DST: variants seen among roughly 807,000 people sequenced by gnomAD.
DST encodes the protein dystonin.
Under a neutral mutation model 875.2 loss-of-function variants are expected in DST, and 253 were observed. The ratio of observed to expected loss-of-function variants is 0.29; its 90% CI spans 0.26 to 0.32. DST has a LOEUF of 0.32. DST is among the 10% of genes least tolerant of loss of function. The pLI is 1.00. For synonymous variants in DST, 3,124 were observed against 3,197.1 expected (o/e 0.98, Z 0.77); for missense variants, 8,287 against 9,111.6 (o/e 0.91, Z 3.68).
At chr6:56,507,018 GATAA>G (rs2096338233) in intron 75 of DST, among the ~76,000 whole-genome samples, 1 of 152,010 alleles carries the variant, frequency 6.6e-6, no homozygotes, top group African/African-American at 2.4e-5. Flanking sequence ...TTTAAGAAAT[GATAA>G]ATAAGAAATA....
chr6:56,736,999 TCCGGGGCAACA>T (rs2099527413), intron 4 of DST, among the ~76,000 whole-genome samples: 1 of 89,372 alleles, frequency 1.1e-5, no homozygotes, highest in African/African-American at 8.7e-5. Context: ...CATGATGAAA[TCCGGGGCAACA>T]TGATGAAATC....
intron 82 of DST, among the ~76,000 whole-genome samples, chr6:56,496,799 T>G (rs554394332): frequency 2.6e-5 from 4 of 152,084 alleles, no homozygotes; most frequent in Non-Finnish European, 5.9e-5. Flanking sequence ...ATTAAGAAAA[T>G]GTGGCACATA....
intron 4 of DST, among the ~76,000 whole-genome samples, chr6:56,735,878 A>G (rs1419082244): frequency 6.6e-6 from 1 of 151,978 alleles, no homozygotes; most frequent in East Asian, 1.9e-4. Context: ...TTTGATATGG[A>G]ATCTCACTCT....
intron 36 of DST, chr6:56,619,721 A>C (rs767375273): frequency 4.3e-6 from 7 of 1,613,890 alleles, no homozygotes; most frequent in South Asian, 1.1e-5. Flanking sequence ...AAGCTCTCTG[A>C]GTTGTTGAGA....
chr6:56,645,240 G>A (rs2098935564), intron 15 of DST, among the ~76,000 whole-genome samples: 1 of 152,186 alleles, frequency 6.6e-6, no homozygotes, highest in Non-Finnish European at 1.5e-5. Context: ...CCAGGTACCA[G>A]GTTAAGACTG....
At chr6:56,839,434 T>C (rs2099797365) in intron 4 of DST, among the ~76,000 whole-genome samples, 1 of 152,238 alleles carries the variant, frequency 6.6e-6, no homozygotes, top group African/African-American at 2.4e-5. Context: ...CCCAGACTTA[T>C]ACTATTATGA....
chr6:56,678,767 A>G (rs993700159), intron 9 of DST, among the ~76,000 whole-genome samples: 2 of 152,172 alleles, frequency 1.3e-5, no homozygotes, highest in African/African-American at 4.8e-5. Flanking sequence ...ACCAATAAAG[A>G]TAACTTTAGA....
rs759366515 is a variant in DST at position 56,608,245 on chromosome 6, C to T, written c.6383G>A (p.Gly2128Glu). Residue 2128 changes from glycine (G) to glutamate (E), a missense_variant, in exon 40 of 104, where the codon GGA becomes GAA. By Grantham distance (98) the Gly-to-Glu change is moderately conservative (BLOSUM62 -2). Around this residue, in one of 10 missense-constraint regions of DST, gnomAD observed 3,138 missense variants for 3,116.6 expected, o/e 1.01. Coordinates refer to ENST00000680361, the MANE Select transcript of DST (RefSeq NM_001374736.1). ...VIGLDAAKQL[G>E]IIDNNTASIL... ...TGATGCTGTGTTGTTGTCTATAATT[C>T]CTAGCTGTTTAGCAGCATCCAAACC... 13 of 1,613,608 alleles carry T rather than the reference C, an allele frequency of 8.1e-6. No homozygotes were observed. Among genetic ancestry groups the T allele is most frequent in the Non-Finnish European group, 1.0e-5 (12 of 1,179,744 alleles).
chr6:56,829,492 T>A lies in DST; in HGVS notation c.625+21905A>T, dbSNP rs562352101. ...AGTAATGAAATACAAATGCAATAAA[T>A]GATTGCAAACTATATCAAAAGGCTG... On this transcript the variant is annotated intron_variant, in intron 4 of 103. Transcript: ENST00000680361. Among the ~76,000 whole-genome samples, 12 of 152,280 alleles carry A rather than the reference T, an allele frequency of 7.9e-5. No individual in the cohort carries two copies. In the South Asian group the frequency reaches 2.5e-3, roughly 32 times the overall value.
intron 4 of DST, among the ~76,000 whole-genome samples, chr6:56,801,025 G>GAAAAA (rs34514599): frequency 4.5e-5 from 3 of 66,966 alleles, no homozygotes; most frequent in African/African-American, 1.7e-4. Context: ...GTCTCAGGGA[G>GAAAAA]AAAAAAAAAA....
rs145773988 is a variant in DST at position 56,908,957 on chromosome 6, T to C, written c.217-8336A>G. Among the ~76,000 whole-genome samples, 272 of 152,344 alleles carry C rather than the reference T, an allele frequency of 1.8e-3. 2 individuals carry two copies. Among genetic ancestry groups the C allele is most frequent in the Non-Finnish European group, 2.7e-3 (186 of 68,032 alleles). Reference sequence around the variant, plus strand: ...ATCAAGAAATAAGCATAAAAATGTGTAACCAGTAGCCCTCTGGGCTGCCCT... The same window carrying C: ...ATCAAGAAATAAGCATAAAAATGTGCAACCAGTAGCCCTCTGGGCTGCCCT... On this transcript the variant is annotated intron_variant, in intron 2 of 103. Transcript: ENST00000680361.
chr6:56,836,911 TAAAAAC>T (rs2099794482), intron 4 of DST, among the ~76,000 whole-genome samples: 1 of 150,122 alleles, frequency 6.7e-6, no homozygotes, highest in Non-Finnish European at 1.5e-5. Context: ...ATTTTTGAAA[TAAAAAC>T]AAATATTAAA....
At chr6:56,911,523 CG>C (rs1271772220) in intron 2 of DST, among the ~76,000 whole-genome samples, 30 of 152,328 alleles carry the variant, frequency 2.0e-4, no homozygotes, top group African/African-American at 7.2e-4. Context: ...GTCATTCCTA[CG>C]GCATCTCGCT....
At chr6:56,673,521 C>A (rs1007357992) in intron 9 of DST, among the ~76,000 whole-genome samples, 3 of 152,126 alleles carry the variant, frequency 2.0e-5, no homozygotes, top group Non-Finnish European at 4.4e-5. Context: ...TACAAGATAC[C>A]AGCTTAACAG....
chr6:56,670,219 A>AT (rs2099094473), intron 10 of DST, among the ~76,000 whole-genome samples: 3 of 150,240 alleles, frequency 2.0e-5, no homozygotes. Flanking sequence ...TGGAAATGTG[A>AT]TTTTTAAATT....
rs2152618090 is a variant in DST, at chr6:56,573,754, C to T, written c.13161G>A (p.Val4387=). 1 of 1,613,608 alleles carries T rather than the reference C, an allele frequency of 6.2e-7. No individual in the cohort carries two copies. The highest frequency in any genetic ancestry group is 8.5e-7 in the Non-Finnish European group (1 of 1,179,714). The change falls in exon 51 of 104, where the codon GTG becomes GTA. Residue 4387 remains valine (V), a synonymous_variant. Coordinates refer to ENST00000680361, the MANE Select transcript of DST (RefSeq NM_001374736.1). ...GACCTTGTTCTTTCAGAGAACTTTC[C>T]ACATTTCCCATCCAGTCCAGCATTT... ...LDEMLDWMGN[V]ESSLKEQGQV...
chr6:56,818,499 A>G (rs756426281), intron 4 of DST, among the ~76,000 whole-genome samples: 2 of 152,192 alleles, frequency 1.3e-5, no homozygotes, highest in Admixed American at 1.3e-4. Flanking sequence ...CCTTTTCCAT[A>G]GTAAACACCC....
chr6:56,536,936 A>C lies in DST; in HGVS notation c.16613T>G (p.Phe5538Cys). The C allele has an allele frequency of 6.2e-7, 1 of 1,613,714 alleles. No homozygotes were observed. The highest frequency in any genetic ancestry group is 8.5e-7 in the Non-Finnish European group (1 of 1,179,698). The change falls in exon 62 of 104, where the codon TTC (phenylalanine) becomes TGC (cysteine). Residue 5538 changes from phenylalanine to cysteine, a missense_variant. This residue lies in a region of DST where 777 missense variants were observed against 764.8 expected (regional missense o/e 1.02). Coordinates refer to ENST00000680361, the MANE Select transcript of DST (RefSeq NM_001374736.1). Reference sequence around the variant, plus strand: ...CAAGGGTTCAATCTCTTCTTTCTGGAATACCTGCAGTTAAAAGAGTAATAA... The same window carrying C: ...CAAGGGTTCAATCTCTTCTTTCTGGCATACCTGCAGTTAAAAGAGTAATAA... ...INQQLNMFKV[F>C]QKEEIEPLQG...
At chr6:56,934,583 T>TATAC in intron 2 of DST, among the ~76,000 whole-genome samples, 1 of 139,442 alleles carries the variant, frequency 7.2e-6, no homozygotes, top group East Asian at 2.0e-4. Flanking sequence ...TATATATATA[T>TATAC]ATATATCGTG....
Sources: gnomAD v4.1 joint callset for allele counts (sites outside exome capture counted in the v4.1 genomes callset) on GRCh38, gnomAD v4.1.1 for gene constraint, gnomAD v4.1.1 regional missense constraint, MANE v1.5 for transcripts, NCBI Gene and HGNC (gene_info 2026-07-23, HGNC 2026-07-21) for gene names.